Variants in GRIA1 observed in about 807,000 individuals in gnomAD.
The protein encoded by GRIA1 is glutamate ionotropic receptor AMPA type subunit 1, also known as glutamate receptor 1.
GRIA1 carries 31 observed loss-of-function variants against 99.2 expected under a neutral mutation model. That is an observed-to-expected ratio of 0.31 (90% CI 0.23 to 0.42). The LOEUF is 0.42. GRIA1 is among the 10% of genes least tolerant of loss of function. GRIA1 has a pLI of 1.00. For synonymous variants in GRIA1, 438 were observed against 432.4 expected, an observed-to-expected ratio of 1.01 and a Z score of -0.16; for missense variants, 782 against 1,157.5, an observed-to-expected ratio of 0.68 and a Z score of 4.71.
chr5:153,603,182 T>C (rs916544002), intron 2 of GRIA1, among the ~76,000 whole-genome samples: 6 of 152,286 alleles, frequency 3.9e-5, no homozygotes, highest in Middle Eastern at 3.4e-3. Flanking sequence ...GTTTGGTTTT[T>C]TGTCTTTGTG....
chr5:153,709,564 C>T lies in GRIA1; in HGVS notation c.1823+3497C>T, dbSNP rs540950053. Among the ~76,000 whole-genome samples the T allele has an allele frequency of 2.6e-5, 4 of 152,312 alleles. No individual in the cohort carries two copies. The South Asian group carries it at 8.3e-4, about 32-fold the overall frequency. ...ACCCAGTAAAGAGGGTTATCTTTCT[C>T]ACATATAAGAAAAGTGGTAGCAGGT... is the stretch of plus-strand genomic sequence containing the variant. On this transcript the variant is annotated intron_variant, in intron 11 of 15. Transcript: ENST00000285900.
intron 2 of GRIA1, among the ~76,000 whole-genome samples, chr5:153,634,377 G>C (rs1164383775): frequency 6.6e-6 from 1 of 151,538 alleles, no homozygotes; most frequent in Non-Finnish European, 1.5e-5. Flanking sequence ...CCTCTATGAA[G>C]AGAGAACATT....
At chr5:153,496,998 T>C (rs1162459438) in intron 2 of GRIA1, among the ~76,000 whole-genome samples, 2 of 152,126 alleles carry the variant, frequency 1.3e-5, no homozygotes, top group Non-Finnish European at 2.9e-5. Context: ...ATGGGACCTG[T>C]TCATGCTAGA....
Position 153,802,478 on chromosome 5 carries a change from C to T in GRIA1, c.2508C>T (p.Ser836=). ...IEFCYKSRSE[S]KRMKGFCLIP... is the part of the protein sequence containing the mutation. ...TCTGCTACAAATCCCGTAGTGAATC[C>T]AAGCGGATGAAGGTGGCATCGTCTT... The change falls in exon 15 of 16, where the codon TCC becomes TCT. Residue 836 remains serine, a synonymous_variant. Transcript: ENST00000285900. The T allele has an allele frequency of 6.2e-7, 1 of 1,613,898 alleles. No individual in the cohort carries two copies. The highest frequency in any genetic ancestry group is 1.1e-5 in the South Asian group (1 of 91,066).
intron 11 of GRIA1, among the ~76,000 whole-genome samples, chr5:153,753,474 C>T (rs76025950): frequency 6.6e-6 from 1 of 152,254 alleles, no homozygotes; most frequent in East Asian, 1.9e-4. Flanking sequence ...CCTGCAGTAG[C>T]TAAAGTGCTG....
chr5:153,705,550 A>AG (rs1758826783), intron 10 of GRIA1, 147 bp from the exon 11 acceptor site: 1 of 922,694 alleles, frequency 1.1e-6, no homozygotes, highest in Non-Finnish European at 1.5e-6. Context: ...ATAGAGTAGG[A>AG]GGGGTTGGAC....
chr5:153,533,602 G>A (rs1171722432), intron 2 of GRIA1, among the ~76,000 whole-genome samples: 1 of 152,160 alleles, frequency 6.6e-6, no homozygotes, highest in Non-Finnish European at 1.5e-5. Context: ...TTAAAATGTT[G>A]TGAAAGAAGG....
intron 7 of GRIA1, among the ~76,000 whole-genome samples, chr5:153,682,076 T>C (rs1757012347): frequency 6.6e-6 from 1 of 151,668 alleles, no homozygotes; most frequent in Non-Finnish European, 1.5e-5. Flanking sequence ...TTCTTTGAAC[T>C]TCAGGGAAGC....
intron 2 of GRIA1, among the ~76,000 whole-genome samples, chr5:153,602,850 T>C (rs1765107133): frequency 6.6e-6 from 1 of 152,176 alleles, no homozygotes; most frequent in Non-Finnish European, 1.5e-5. Flanking sequence ...GTATTGTCCT[T>C]AGCTATCTAA....
intron 11 of GRIA1, among the ~76,000 whole-genome samples, chr5:153,744,142 G>A (rs753036995): frequency 6.6e-6 from 1 of 152,122 alleles, no homozygotes; most frequent in Non-Finnish European, 1.5e-5. Flanking sequence ...TTAGAGGGAG[G>A]GCATTCTGAG....
intron 5 of GRIA1, among the ~76,000 whole-genome samples, chr5:153,664,517 T>G (rs2149474721): frequency 6.6e-6 from 1 of 152,194 alleles, no homozygotes; most frequent in African/African-American, 2.4e-5. Context: ...AAGGCACTTT[T>G]TTTTTTTCAG....
At chr5:153,790,676 T>C (rs1337367480) in intron 13 of GRIA1, among the ~76,000 whole-genome samples, 2 of 152,220 alleles carry the variant, frequency 1.3e-5, no homozygotes, top group African/African-American at 4.8e-5. Flanking sequence ...CTTTGATTAT[T>C]TGAACATCTT....
intron 2 of GRIA1, among the ~76,000 whole-genome samples, chr5:153,577,483 T>G (rs1157680922): frequency 6.6e-6 from 1 of 152,216 alleles, no homozygotes; most frequent in Non-Finnish European, 1.5e-5. Flanking sequence ...TGTCCCCTTT[T>G]GTACCCTGTG....
intron 2 of GRIA1, 51 bp from the exon 3 acceptor site, chr5:153,646,877 C>T (rs753050061): frequency 1.9e-5 from 30 of 1,597,816 alleles, no homozygotes; most frequent in Non-Finnish European, 2.5e-5. Flanking sequence ...TTGGAGTCAT[C>T]TGACCACTTT....
At chr5:153,619,243 T>A (rs1216488050) in intron 2 of GRIA1, among the ~76,000 whole-genome samples, 1 of 152,204 alleles carries the variant, frequency 6.6e-6, no homozygotes, top group East Asian at 1.9e-4. Context: ...ATGTCTCCTA[T>A]GAGTTATTAT....
chr5:153,680,614 C>T (rs910474974), intron 7 of GRIA1, among the ~76,000 whole-genome samples: 2 of 152,146 alleles, frequency 1.3e-5, no homozygotes, highest in Non-Finnish European at 2.9e-5. Flanking sequence ...AAATAGTAAT[C>T]ATCCCTCTTG....
At chr5:153,496,339 C>A (rs1389515436) in intron 2 of GRIA1, among the ~76,000 whole-genome samples, 1 of 152,158 alleles carries the variant, frequency 6.6e-6, no homozygotes, top group Non-Finnish European at 1.5e-5. Context: ...CCATGAATTC[C>A]TGTCTTGTTC....
At chr5:153,573,062 A>G (rs1321348781) in intron 2 of GRIA1, among the ~76,000 whole-genome samples, 1 of 152,200 alleles carries the variant, frequency 6.6e-6, no homozygotes, top group Non-Finnish European at 1.5e-5. Context: ...GTTGAGTGAC[A>G]ACCCAAATAA....
At chr5:153,666,290 A>T (rs188374538) in intron 5 of GRIA1, among the ~76,000 whole-genome samples, 145 of 152,302 alleles carry the variant, frequency 9.5e-4, no homozygotes, top group African/African-American at 3.4e-3. Context: ...GCCCTCCAGG[A>T]GCTCACAGTC....
Sources: gnomAD v4.1 joint callset for allele counts (sites outside exome capture counted in the v4.1 genomes callset) on GRCh38, gnomAD v4.1.1 for gene constraint, MANE v1.5 for transcripts, NCBI Gene and HGNC (gene_info 2026-07-23, HGNC 2026-07-21) for gene names.